Variants in PDE3A observed in about 807,000 individuals in gnomAD.
The protein encoded by PDE3A is cGMP-inhibited 3',5'-cyclic phosphodiesterase 3A.
PDE3A carries 43 observed loss-of-function variants against 98.3 expected under a neutral mutation model. That is an observed-to-expected ratio of 0.44 (90% CI 0.34 to 0.56). PDE3A has a LOEUF of 0.56. Among genes scored for constraint, PDE3A ranks in the 20% least tolerant of loss-of-function variants. PDE3A has a pLI of 0.01. For synonymous variants in PDE3A, 663 were observed against 567.9 expected, an observed-to-expected ratio of 1.17 and a Z score of -2.38; for missense variants, 1,427 against 1,440.7, an observed-to-expected ratio of 0.99 and a Z score of 0.15.
chr12:20,397,560 A>G (rs1028851376), intron 1 of PDE3A, among the ~76,000 whole-genome samples: 1 of 152,068 alleles, frequency 6.6e-6, no homozygotes, highest in Non-Finnish European at 1.5e-5. Flanking sequence ...AGTAAGATGT[A>G]TATGATAATA....
chr12:20,550,843 C>T (rs553905201), intron 1 of PDE3A, among the ~76,000 whole-genome samples: 1 of 152,026 alleles, frequency 6.6e-6, no homozygotes, highest in East Asian at 1.9e-4. Flanking sequence ...TTTAATTGCT[C>T]TATGGTATCA....
chr12:20,538,628 G>T (rs927754389), intron 1 of PDE3A, among the ~76,000 whole-genome samples: 1 of 152,158 alleles, frequency 6.6e-6, no homozygotes, highest in Admixed American at 6.6e-5. Context: ...GTCACACAAG[G>T]CATGGGATGA....
intron 1 of PDE3A, among the ~76,000 whole-genome samples, chr12:20,536,398 T>A (rs1316341686): frequency 6.6e-6 from 1 of 152,006 alleles, no homozygotes; most frequent in Non-Finnish European, 1.5e-5. Flanking sequence ...ACATACCATG[T>A]GATTTATCCA....
chr12:20,508,602 C>T (rs1485787136), intron 1 of PDE3A, among the ~76,000 whole-genome samples: 8 of 151,894 alleles, frequency 5.3e-5, no homozygotes, highest in Non-Finnish European at 1.0e-4. Flanking sequence ...TCCATTTAGA[C>T]GTCATACCCT....
intron 1 of PDE3A, among the ~76,000 whole-genome samples, chr12:20,466,614 G>C (rs185579147): frequency 2.1e-3 from 315 of 152,228 alleles, no homozygotes; most frequent in Non-Finnish European, 2.7e-3. Flanking sequence ...TTATTTTTAA[G>C]TGTCTCATAT....
Position 20,369,217 on chromosome 12 carries a change from G to C in PDE3A, c.-68G>C. 2 of 1,187,156 alleles carry C rather than the reference G, an allele frequency of 1.7e-6. No homozygotes were observed. Among genetic ancestry groups the C allele is most frequent in the African/African-American group, 1.5e-5 (1 of 64,716 alleles). The allele number at this position is 1,187,156 out of a possible 1,614,324, so 73.5% of individuals were successfully genotyped here. On this transcript the variant is annotated 5_prime_UTR_variant, in exon 1 of 16. Coordinates refer to ENST00000359062, the MANE Select transcript of PDE3A (RefSeq NM_000921.5). ...TGTGTGTGTGTGTGTGTGTGCGCGC[G>C]CGCGCGTGGGTCGGGGCGGGGGCGT...
At chr12:20,467,053 GC>G (rs1332185311) in intron 1 of PDE3A, among the ~76,000 whole-genome samples, 1 of 151,906 alleles carries the variant, frequency 6.6e-6, no homozygotes, top group Non-Finnish European at 1.5e-5. Context: ...TTTTATATAT[GC>G]CTTCCAAAGC....
chr12:20,551,764 G>C, intron 1 of PDE3A: 1 of 1,613,552 alleles, frequency 6.2e-7, no homozygotes, highest in Non-Finnish European at 8.5e-7. Flanking sequence ...GCGGCTGAGA[G>C]AGAGCAAGAA....
At chr12:20,505,395 TG>T (rs1946097281) in intron 1 of PDE3A, among the ~76,000 whole-genome samples, 1 of 152,118 alleles carries the variant, frequency 6.6e-6, no homozygotes, top group South Asian at 2.1e-4. Context: ...CTAATTCAAC[TG>T]CTAGACTAGT....
intron 1 of PDE3A, among the ~76,000 whole-genome samples, chr12:20,402,634 T>A (rs1477169663): frequency 6.6e-6 from 1 of 152,228 alleles, no homozygotes; most frequent in Admixed American, 6.5e-5. Context: ...AAGACAACTA[T>A]GAATATAAAT....
At chr12:20,563,459 C>T (rs1011766274) in intron 2 of PDE3A, among the ~76,000 whole-genome samples, 1 of 152,218 alleles carries the variant, frequency 6.6e-6, no homozygotes, top group East Asian at 1.9e-4. Context: ...CTCAAATGTC[C>T]GACATGTTAC....
intron 1 of PDE3A, among the ~76,000 whole-genome samples, chr12:20,535,361 G>A (rs1268697383): frequency 2.0e-5 from 3 of 152,148 alleles, no homozygotes; most frequent in Admixed American, 1.3e-4. Context: ...GTGAATTATA[G>A]CACCTACCCA....
intron 1 of PDE3A, among the ~76,000 whole-genome samples, chr12:20,427,927 C>T (rs1016376279): frequency 4.0e-5 from 6 of 151,548 alleles, no homozygotes; most frequent in East Asian, 1.9e-4. Flanking sequence ...TATTTTAGGC[C>T]GGGCATGGTG....
chr12:20,577,499 G>T (rs191648179), intron 2 of PDE3A, among the ~76,000 whole-genome samples: 45 of 152,222 alleles, frequency 3.0e-4, no homozygotes, highest in Middle Eastern at 3.4e-3. Context: ...AAACTGAACC[G>T]CATATTCAGT....
intron 14 of PDE3A, 86 bp from the exon 15 acceptor site, chr12:20,653,861 G>T: frequency 7.2e-7 from 1 of 1,388,734 alleles, no homozygotes; most frequent in Admixed American, 1.9e-5. Context: ...AAGTAAAGAA[G>T]TTTGTGCATT....
intron 1 of PDE3A, among the ~76,000 whole-genome samples, chr12:20,442,002 G>A (rs138534960): frequency 2.6e-5 from 4 of 152,170 alleles, no homozygotes; most frequent in African/African-American, 9.6e-5. Flanking sequence ...CCTTAGGTTA[G>A]TGCCTCCTCC....
At chr12:20,549,133 GT>G (rs986851333) in intron 1 of PDE3A, among the ~76,000 whole-genome samples, 10 of 151,678 alleles carry the variant, frequency 6.6e-5, no homozygotes, top group Admixed American at 2.0e-4. Flanking sequence ...ACTATGAGTA[GT>G]TTTTTTTAAT....
intron 15 of PDE3A, among the ~76,000 whole-genome samples, chr12:20,663,960 G>A (rs186967030): frequency 1.3e-5 from 2 of 152,194 alleles, no homozygotes; most frequent in East Asian, 3.9e-4. Flanking sequence ...TGTGTTGCGG[G>A]AGGGACCCAG....
chr12:20,419,908 C>A (rs1944484091), intron 1 of PDE3A, among the ~76,000 whole-genome samples: 1 of 151,592 alleles, frequency 6.6e-6, no homozygotes, highest in Non-Finnish European at 1.5e-5. Flanking sequence ...CTGGCTAATT[C>A]TTTTATGTTT....
Sources: allele counts gnomAD v4.1 joint callset (sites outside exome capture counted in the v4.1 genomes callset), GRCh38; gene constraint gnomAD v4.1.1; transcripts MANE v1.5; gene names NCBI Gene and HGNC (gene_info 2026-07-23, HGNC 2026-07-21).